The following NWD2 variants were observed in gnomAD, a reference collection of about 807,000 sequenced individuals.
NWD2 encodes the protein NACHT and WD repeat domain containing 2, also known as NACHT and WD repeat domain-containing protein 2.
In NWD2, 37 loss-of-function variants were observed where a neutral mutation model predicts 132.7. The ratio of observed to expected loss-of-function variants is 0.28; its 90% CI spans 0.21 to 0.37. NWD2 has a LOEUF of 0.37. Among genes scored for constraint, NWD2 ranks in the 10% least tolerant of loss-of-function variants. The pLI is 1.00. For missense variants in NWD2, 1,592 were observed against 2,122.4 expected (o/e 0.75, Z 4.91); for synonymous variants, 705 against 803.0 (o/e 0.88, Z 2.06).
Position 37,445,323 on chromosome 4 carries a change from A to G in NWD2, c.3335A>G (p.Tyr1112Cys), listed in dbSNP as rs771961077. The G allele has an allele frequency of 3.5e-5, 54 of 1,552,020 alleles. No homozygotes were observed. The highest frequency in any genetic ancestry group is 5.9e-5 in the Admixed American group (3 of 50,988). ...GTCCAGTGCTCCCTGGATGGTCTGT[A>G]TGCTTTCTGTGGCCAATACCTGAAC... Reference protein sequence around the residue: ...TCVQCSLDGLYAFCGQYLNTT... With the variant: ...TCVQCSLDGLCAFCGQYLNTT... Residue 1112 changes from tyrosine to cysteine, a missense_variant, in exon 7 of 7, where the codon TAT becomes TGT. Tyr to Cys is a radical substitution (Grantham distance 194). This residue lies in a region of NWD2 where 1,071 missense variants were observed against 1,398.0 expected (regional missense o/e 0.77). Transcript: ENST00000309447. This position sits in a 1 kb window ranked among gnomAD's most constrained non-coding sequence, Gnocchi z 4.7.
chr4:37,357,003 A>G (rs763480019), intron 3 of NWD2, among the ~76,000 whole-genome samples: 3 of 152,230 alleles, frequency 2.0e-5, no homozygotes, highest in East Asian at 1.9e-4. Context: ...ATTATAAGCT[A>G]AAGATCGACA....
At chr4:37,357,935 G>C (rs1719903277) in intron 3 of NWD2, among the ~76,000 whole-genome samples, 1 of 152,044 alleles carries the variant, frequency 6.6e-6, no homozygotes, top group Non-Finnish European at 1.5e-5. Flanking sequence ...TCCAGGAAGA[G>C]GGGTTGGCAT....
chr4:37,245,399 C>T lies in NWD2; in HGVS notation c.151+181C>T, dbSNP rs892825. Among the ~76,000 whole-genome samples, 121,366 of 151,952 alleles carry T rather than the reference C, an allele frequency of 0.8. 48,945 individuals are homozygous for T. Among genetic ancestry groups the T allele is most frequent in the East Asian group, 0.99 (5,087 of 5,126 alleles). On this transcript the variant is annotated intron_variant, in intron 1 of 6. Transcript: ENST00000309447. ...ATCACTTTTTTTCTCCCCTCGCTGG[C>T]CGGTTTTGCCTGCACACTTCTATTA...
intron 3 of NWD2, among the ~76,000 whole-genome samples, chr4:37,392,209 ATAAT>A (rs1229090545): frequency 3.3e-5 from 5 of 152,194 alleles, no homozygotes; most frequent in Non-Finnish European, 7.3e-5. Flanking sequence ...TCAAAAAAAC[ATAAT>A]TAATTAAAAC....
intron 2 of NWD2, among the ~76,000 whole-genome samples, chr4:37,351,804 G>A (rs977268840): frequency 6.6e-6 from 1 of 152,082 alleles, no homozygotes; most frequent in Non-Finnish European, 1.5e-5. Context: ...GCTTTCTCCT[G>A]TGGGCATTTT....
intron 1 of NWD2, among the ~76,000 whole-genome samples, chr4:37,245,580 C>T (rs1185938415): frequency 2.0e-5 from 3 of 151,388 alleles, no homozygotes; most frequent in African/African-American, 7.3e-5. Flanking sequence ...GTTTCTTCTC[C>T]GAGATGACCG....
intron 1 of NWD2, among the ~76,000 whole-genome samples, chr4:37,245,930 G>A (rs1259300014): frequency 1.3e-5 from 2 of 152,168 alleles, no homozygotes; most frequent in African/African-American, 4.8e-5. Flanking sequence ...TTGATTTCTT[G>A]TTGCATTCAC....
chr4:37,259,959 G>A (rs1467445791), intron 1 of NWD2, among the ~76,000 whole-genome samples: 4 of 152,186 alleles, frequency 2.6e-5, no homozygotes, highest in Middle Eastern at 3.2e-3. Flanking sequence ...ATGAGAAATC[G>A]AATACTGTTT....
In NWD2 at chr4:37,444,796, T is replaced by C. The variant is rs1484118217; in HGVS notation, c.2808T>C (p.Asp936=). 2 of 1,551,864 alleles carry C rather than the reference T, an allele frequency of 1.3e-6. No homozygotes were observed. Among genetic ancestry groups the C allele is most frequent in the African/African-American group, 2.7e-5 (2 of 73,020 alleles). The change falls in exon 7 of 7, where the codon GAT becomes GAC. Residue 936 remains aspartate (D), a synonymous_variant. Transcript: ENST00000309447. The surrounding 1 kb of genome is among the most constrained non-coding windows in gnomAD (Gnocchi z 4.8). The part of the protein sequence containing the change: ...PKLRHLLLEC[D]KDGPKYCSIV... ...TTAGACATCTTCTTTTAGAGTGTGA[T>C]AAAGATGGGCCCAAATATTGCTCCA...
intron 3 of NWD2, among the ~76,000 whole-genome samples, chr4:37,357,300 T>G (rs1370416894): frequency 2.6e-5 from 4 of 152,144 alleles, no homozygotes; most frequent in Non-Finnish European, 5.9e-5. Flanking sequence ...ACCGTACTGT[T>G]AAAAACTAGA....
intron 3 of NWD2, among the ~76,000 whole-genome samples, chr4:37,400,051 G>A (rs1021722526): frequency 6.6e-6 from 1 of 152,194 alleles, no homozygotes; most frequent in Non-Finnish European, 1.5e-5. Flanking sequence ...TGTAGACTCT[G>A]TATCCCCAAC....
chr4:37,275,059 A>G (rs913815346), intron 1 of NWD2, among the ~76,000 whole-genome samples: 1 of 152,182 alleles, frequency 6.6e-6, no homozygotes, highest in Non-Finnish European at 1.5e-5. Context: ...TATTCAACAT[A>G]GTGTTGGAAG....
chr4:37,444,428 C>A lies in NWD2; in HGVS notation c.2440C>A (p.Pro814Thr). 6.4e-7 allele frequency: 1 copy of A among 1,552,026 alleles called. No homozygotes were observed. The highest frequency in any genetic ancestry group is 8.7e-7 in the Non-Finnish European group (1 of 1,147,090). The change falls in exon 7 of 7, where the codon CCC (proline) becomes ACC (threonine). Residue 814 changes from proline to threonine, a missense_variant. Around this residue, in one of 7 missense-constraint regions of NWD2, gnomAD observed 1,071 missense variants for 1,398.0 expected, o/e 0.77. Transcript: ENST00000309447. This position sits in a 1 kb window ranked among gnomAD's most constrained non-coding sequence, Gnocchi z 4.8. ...ASFDRQAPDQPWVFQCNPLEP... is the reference protein window; with the variant it reads ...ASFDRQAPDQTWVFQCNPLEP... Reference sequence around the variant, plus strand: ...CTTTGACAGGCAGGCTCCAGACCAGCCCTGGGTTTTCCAGTGTAATCCCCT... The same window carrying A: ...CTTTGACAGGCAGGCTCCAGACCAGACCTGGGTTTTCCAGTGTAATCCCCT...
intron 1 of NWD2, among the ~76,000 whole-genome samples, chr4:37,252,128 T>C (rs1020929190): frequency 2.6e-5 from 4 of 152,198 alleles, no homozygotes; most frequent in African/African-American, 4.8e-5. Flanking sequence ...CTATTCTGCA[T>C]GATAATCAAA....
chr4:37,428,981 C>T (rs1331935663), intron 3 of NWD2, among the ~76,000 whole-genome samples: 1 of 152,294 alleles, frequency 6.6e-6, no homozygotes, highest in East Asian at 1.9e-4. Context: ...ATCTGCTCGC[C>T]TTGGCCTCCC....
chr4:37,447,320 T>TCCCAGCACTTTGGGAGGCCGAG lies in NWD2; in HGVS notation c.*103_*104insCCCAGCACTTTGGGAGGCCGAG. On this transcript the variant is annotated 3_prime_UTR_variant, in exon 7 of 7. Transcript: ENST00000309447. ...TTCATTTATTAAAAGGCAGGAGCGA[T>TCCCAGCACTTTGGGAGGCCGAG]GCTGGAATTCCAGTGTTTTATTAAG... 2.3e-6 allele frequency: 2 copies of TCCCAGCACTTTGGGAGGCCGAG among 872,914 alleles called. No individual in the cohort carries two copies. Among genetic ancestry groups the TCCCAGCACTTTGGGAGGCCGAG allele is most frequent in the African/African-American group, 1.7e-5 (1 of 58,844 alleles). 54.1% of individuals were successfully genotyped at this position (872,914 alleles called of 1,614,324 possible).
At chr4:37,256,193 G>A (rs1213268245) in intron 1 of NWD2, among the ~76,000 whole-genome samples, 1 of 152,176 alleles carries the variant, frequency 6.6e-6, no homozygotes, top group Non-Finnish European at 1.5e-5. Context: ...GTATCCTTAT[G>A]TGTGCAGTAT....
At chr4:37,258,834 T>G (rs1468049215) in intron 1 of NWD2, among the ~76,000 whole-genome samples, 1 of 152,238 alleles carries the variant, frequency 6.6e-6, no homozygotes, top group Non-Finnish European at 1.5e-5. Context: ...TTTAATTGTT[T>G]TGTTTTCCCT....
intron 2 of NWD2, among the ~76,000 whole-genome samples, chr4:37,334,582 CTCT>C: frequency 6.6e-6 from 1 of 152,322 alleles, no homozygotes; most frequent in East Asian, 1.9e-4. Flanking sequence ...TAATCTCCCC[CTCT>C]ACTCTCTGAA....
Sources: gnomAD v4.1 joint callset for allele counts (sites outside exome capture counted in the v4.1 genomes callset) on GRCh38, gnomAD v4.1.1 for gene constraint, gnomAD v4.1.1 regional missense constraint, Gnocchi (gnomAD v3.1) non-coding constraint, MANE v1.5 for transcripts, NCBI Gene and HGNC (gene_info 2026-07-23, HGNC 2026-07-21) for gene names.